TRPS1: variants seen among roughly 807,000 people sequenced by gnomAD.
TRPS1 encodes zinc finger transcription factor Trps1.
A neutral mutation model predicts 101.2 loss-of-function variants in TRPS1; 6 were observed. The ratio of observed to expected loss-of-function variants is 0.06; its 90% CI spans 0.03 to 0.12. TRPS1 has a LOEUF of 0.12. Ranked by LOEUF, TRPS1 falls within the 10% of genes least tolerant of loss-of-function variation. The pLI is 1.00. For missense variants in TRPS1, 1,363 were observed against 1,567.0 expected (o/e 0.87, Z 2.20); for synonymous variants, 578 against 589.8 (o/e 0.98, Z 0.29).
intron 4 of TRPS1, among the ~76,000 whole-genome samples, chr8:115,594,466 T>C (rs1290273162): frequency 3.3e-5 from 5 of 152,094 alleles, no homozygotes; most frequent in Non-Finnish European, 7.4e-5. Flanking sequence ...AATCTCACTG[T>C]GTCCCATACA....
chr8:115,478,173 T>C (rs1317390680), intron 5 of TRPS1, among the ~76,000 whole-genome samples: 1 of 152,202 alleles, frequency 6.6e-6, no homozygotes. Flanking sequence ...TACATCAAAG[T>C]ACTCACTAGC....
intron 5 of TRPS1, among the ~76,000 whole-genome samples, chr8:115,540,842 A>G (rs1396245987): frequency 6.6e-6 from 1 of 151,932 alleles, no homozygotes; most frequent in Non-Finnish European, 1.5e-5. Flanking sequence ...TATCTAATAT[A>G]TACCCATGAA....
intron 1 of TRPS1, among the ~76,000 whole-genome samples, chr8:115,643,945 C>G (rs1216879376): frequency 1.3e-5 from 2 of 152,172 alleles, no homozygotes; most frequent in Admixed American, 1.3e-4. Flanking sequence ...TCCATCAGAG[C>G]TTCTGGGGTG....
chr8:115,510,367 G>A (rs1458339597), intron 5 of TRPS1, among the ~76,000 whole-genome samples: 3 of 151,948 alleles, frequency 2.0e-5, no homozygotes, highest in Admixed American at 2.0e-4. Flanking sequence ...AAATTGTGCA[G>A]TTGCAGACAC....
chr8:115,625,004 A>G (rs1818474862), intron 1 of TRPS1, among the ~76,000 whole-genome samples: 1 of 151,788 alleles, frequency 6.6e-6, no homozygotes, highest in Non-Finnish European at 1.5e-5. Context: ...ACTCCAACTA[A>G]CCTTGCAATA....
chr8:115,467,897 C>T (rs1200388486), intron 5 of TRPS1, among the ~76,000 whole-genome samples: 1 of 152,150 alleles, frequency 6.6e-6, no homozygotes, highest in East Asian at 1.9e-4. Flanking sequence ...ATCTCCATAA[C>T]CTTGGGCACA....
intron 2 of TRPS1, among the ~76,000 whole-genome samples, chr8:115,621,595 G>A (rs1163599971): frequency 6.6e-6 from 1 of 152,126 alleles, no homozygotes; most frequent in Non-Finnish European, 1.5e-5. Flanking sequence ...AGTGAATAAT[G>A]TGAAAAATAG....
chr8:115,431,418 C>T (rs547011926), intron 5 of TRPS1, among the ~76,000 whole-genome samples: 2 of 152,094 alleles, frequency 1.3e-5, no homozygotes, highest in East Asian at 3.9e-4. Context: ...AAGAAACTGT[C>T]TTTTAAAGAG....
At chr8:115,643,841 T>A (rs963609339) in intron 1 of TRPS1, among the ~76,000 whole-genome samples, 12 of 152,212 alleles carry the variant, frequency 7.9e-5, no homozygotes, top group Non-Finnish European at 1.6e-4. Flanking sequence ...TCTTAAATAA[T>A]GACTTGAATT....
intron 5 of TRPS1, among the ~76,000 whole-genome samples, chr8:115,490,401 A>C (rs800884): frequency 0.32 from 48,172 of 152,048 alleles, 9,252 homozygotes; most frequent in Non-Finnish European, 0.45. Context: ...CCACACCTTA[A>C]AATCCATACA....
At chr8:115,423,141 A>G (rs1413475822) in intron 5 of TRPS1, among the ~76,000 whole-genome samples, 1 of 152,224 alleles carries the variant, frequency 6.6e-6, no homozygotes, top group East Asian at 1.9e-4. Flanking sequence ...GAAAACCCAA[A>G]GCTACATGAG....
At chr8:115,637,617 TTTTA>T (rs1818799956) in intron 1 of TRPS1, among the ~76,000 whole-genome samples, 1 of 152,242 alleles carries the variant, frequency 6.6e-6, no homozygotes, top group Non-Finnish European at 1.5e-5. Context: ...ACTATCAATA[TTTTA>T]TTTATCTGTT....
In TRPS1 at chr8:115,412,511, A is replaced by C. The variant is rs1391848979; in HGVS notation, c.*1512T>G. 6.6e-6 allele frequency: 1 copy of C among 152,558 alleles called. No homozygotes were observed. The highest frequency in any genetic ancestry group is 2.4e-5 in the African/African-American group (1 of 41,446). 9.5% of individuals were successfully genotyped at this position (152,558 alleles called of 1,614,324 possible). On this transcript the variant is annotated 3_prime_UTR_variant, in exon 7 of 7. Coordinates refer to ENST00000395715, the MANE Select transcript of TRPS1 (RefSeq NM_014112.5). Reference sequence around the variant, plus strand: ...CAATATGTCAGGCACCATTATTTGAAATGTAATACATTAATATTTACTAGA... The same window carrying C: ...CAATATGTCAGGCACCATTATTTGACATGTAATACATTAATATTTACTAGA...
intron 1 of TRPS1, among the ~76,000 whole-genome samples, chr8:115,653,909 G>A (rs1353250934): frequency 1.3e-5 from 2 of 152,204 alleles, no homozygotes; most frequent in Non-Finnish European, 2.9e-5. Context: ...AGAGCTTGGG[G>A]GCTGTCTTAG....
intron 5 of TRPS1, among the ~76,000 whole-genome samples, chr8:115,464,452 G>C (rs139455416): frequency 6.6e-6 from 1 of 152,090 alleles, no homozygotes; most frequent in Non-Finnish European, 1.5e-5. Flanking sequence ...TTAGGAAACT[G>C]TCTGAAGTCT....
intron 3 of TRPS1, among the ~76,000 whole-genome samples, chr8:115,606,981 T>A (rs1818053098): frequency 6.6e-6 from 1 of 152,116 alleles, no homozygotes; most frequent in African/African-American, 2.4e-5. Context: ...ATTTTCTTGT[T>A]TAAGCTTTCA....
intron 5 of TRPS1, among the ~76,000 whole-genome samples, chr8:115,470,521 G>A (rs1466780702): frequency 1.3e-5 from 2 of 152,110 alleles, no homozygotes; most frequent in East Asian, 3.8e-4. Context: ...AAGTACTTGT[G>A]TATCATTAGA....
chr8:115,611,196 T>C (rs1345569760), intron 3 of TRPS1, among the ~76,000 whole-genome samples: 1 of 151,890 alleles, frequency 6.6e-6, no homozygotes, highest in African/African-American at 2.4e-5. Flanking sequence ...AAAATGCAGT[T>C]CAAGTGGGTT....
chr8:115,591,677 AAC>A lies in TRPS1; in HGVS notation c.2097-4075_2097-4074del, dbSNP rs1817682077. ...GGTACAGGTGCTGGAGAGCTGTAGG[AAC>A]ACAGAGAAGAGTGGGGATAGGAATA... On this transcript the variant is annotated intron_variant, in intron 4 of 6. Coordinates refer to ENST00000395715, the MANE Select transcript of TRPS1 (RefSeq NM_014112.5). Among the ~76,000 whole-genome samples the A allele has an allele frequency of 3.3e-5, 5 of 152,322 alleles. No individual in the cohort carries two copies. In the South Asian group the frequency reaches 8.3e-4, roughly 25 times the overall value.
Sources: allele counts gnomAD v4.1 joint callset (sites outside exome capture counted in the v4.1 genomes callset), GRCh38; gene constraint gnomAD v4.1.1; transcripts MANE v1.5; gene names NCBI Gene and HGNC (gene_info 2026-07-23, HGNC 2026-07-21).